SHISA9: variants seen among roughly 807,000 people sequenced by gnomAD.
SHISA9 encodes protein shisa-9.
In SHISA9, 13 loss-of-function variants were observed where a neutral mutation model predicts 38.0. That is an observed-to-expected ratio of 0.34 (90% CI 0.22 to 0.54). The LOEUF (loss-of-function observed/expected upper bound fraction) is 0.54. Among genes scored for constraint, SHISA9 ranks in the 20% least tolerant of loss-of-function variants. SHISA9 has a pLI of 0.91. For synonymous variants in SHISA9, 275 were observed against 242.0 expected (o/e 1.14, Z -1.27); for missense variants, 538 against 575.8 (o/e 0.93, Z 0.67).
At chr16:12,944,480 T>C (rs976544392) in intron 2 of SHISA9, among the ~76,000 whole-genome samples, 9 of 152,192 alleles carry the variant, frequency 5.9e-5, no homozygotes, top group African/African-American at 2.2e-4. Flanking sequence ...CCATGGATTA[T>C]TCTGCTTTTT....
At chr16:13,205,784 CAG>C (rs1422100119) in intron 3 of SHISA9, among the ~76,000 whole-genome samples, 1 of 152,030 alleles carries the variant, frequency 6.6e-6, no homozygotes, top group Non-Finnish European at 1.5e-5. Context: ...TTTTTTGAGA[CAG>C]AGTCTCACTG....
intron 2 of SHISA9, among the ~76,000 whole-genome samples, chr16:13,108,426 G>A (rs746553345): frequency 1.9e-4 from 29 of 152,028 alleles, no homozygotes; most frequent in Non-Finnish European, 2.4e-4. Flanking sequence ...CATCATGCCC[G>A]GCTAATTTTT....
chr16:12,908,921 G>C (rs187616923), intron 1 of SHISA9: 31 of 1,017,626 alleles, frequency 3.0e-5, no homozygotes, highest in East Asian at 9.5e-5. Context: ...GGCAGATAAG[G>C]GTCCTGTGTG....
intron 3 of SHISA9, among the ~76,000 whole-genome samples, chr16:13,210,450 A>T (rs1424233839): frequency 2.8e-5 from 4 of 143,796 alleles, no homozygotes; most frequent in East Asian, 2.1e-4. Context: ...TAATTTTATT[A>T]AAAAAAAATT....
At chr16:12,926,831 C>T (rs1220475071) in intron 2 of SHISA9, among the ~76,000 whole-genome samples, 1 of 152,136 alleles carries the variant, frequency 6.6e-6, no homozygotes, top group Non-Finnish European at 1.5e-5. Context: ...TGACTTTGCC[C>T]ACCGCTGACT....
chr16:13,321,726 G>A, the SHISA9 span, among the ~76,000 whole-genome samples: 1 of 152,178 alleles, frequency 6.6e-6, no homozygotes, highest in African/African-American at 2.4e-5. Context: ...GTATGGCTGT[G>A]TGTGCAATAT....
chr16:13,139,757 C>G (rs2050383196), intron 2 of SHISA9, among the ~76,000 whole-genome samples: 1 of 152,102 alleles, frequency 6.6e-6, no homozygotes, highest in South Asian at 2.1e-4. Context: ...ATTTAAGGTT[C>G]ATATGAGTAA....
chr16:13,414,646 C>CTTTTT, the SHISA9 span, among the ~76,000 whole-genome samples: 472 of 136,588 alleles, frequency 3.5e-3, 68 homozygotes, highest in East Asian at 0.01. Context: ...TTCTTTCTTT[C>CTTTTT]TTTCTTTTTT....
At chr16:13,005,784 G>T (rs1178743447) in intron 2 of SHISA9, among the ~76,000 whole-genome samples, 1 of 152,162 alleles carries the variant, frequency 6.6e-6, no homozygotes, top group African/African-American at 2.4e-5. Flanking sequence ...ACATGGGAGT[G>T]AATATTGGTG....
At chr16:13,074,334 C>T (rs1304504624) in intron 2 of SHISA9, among the ~76,000 whole-genome samples, 1 of 152,082 alleles carries the variant, frequency 6.6e-6, no homozygotes, top group African/African-American at 2.4e-5. Context: ...AAAACCAATA[C>T]AAAGCCCTCC....
intron 2 of SHISA9, among the ~76,000 whole-genome samples, chr16:13,158,147 T>C (rs2050563550): frequency 6.6e-6 from 1 of 152,164 alleles, no homozygotes; most frequent in South Asian, 2.1e-4. Context: ...ATCTGTAAAA[T>C]GGGGCGACAG....
intron 1 of SHISA9, among the ~76,000 whole-genome samples, chr16:12,912,343 C>T (rs898246537): frequency 6.6e-6 from 1 of 152,132 alleles, no homozygotes; most frequent in Admixed American, 6.5e-5. Flanking sequence ...AAGAGAAGCC[C>T]AGGGGATCTG....
At chr16:13,114,261 T>C (rs1725449552) in intron 2 of SHISA9, among the ~76,000 whole-genome samples, 1 of 151,688 alleles carries the variant, frequency 6.6e-6, no homozygotes, top group Admixed American at 6.6e-5. Context: ...GGTCAGGAGA[T>C]CGAGACCATC....
At chr16:12,964,955 C>T (rs1318678024) in intron 2 of SHISA9, among the ~76,000 whole-genome samples, 5 of 152,148 alleles carry the variant, frequency 3.3e-5, no homozygotes, top group Non-Finnish European at 1.5e-5. Flanking sequence ...ATGGTGATTT[C>T]TCCTAGTAGA....
chr16:13,120,247 T>TG (rs530942259), intron 2 of SHISA9, among the ~76,000 whole-genome samples: 157 of 152,266 alleles, frequency 1.0e-3, no homozygotes, highest in Non-Finnish European at 1.9e-3. Flanking sequence ...AGGAACCCCA[T>TG]GGGGCTGTTG....
intron 3 of SHISA9, among the ~76,000 whole-genome samples, chr16:13,209,564 G>A (rs531636800): frequency 7.2e-4 from 110 of 152,238 alleles, no homozygotes; most frequent in Non-Finnish European, 1.5e-3. Context: ...AATCCATCAG[G>A]GAACTATTCT....
intron 2 of SHISA9, among the ~76,000 whole-genome samples, chr16:13,187,610 C>T (rs1029427631): frequency 6.6e-5 from 10 of 152,066 alleles, no homozygotes; most frequent in South Asian, 2.1e-4. Flanking sequence ...GCTGGGATTA[C>T]GGGTGTGAGC....
chr16:13,157,265 C>A (rs2050555758), intron 2 of SHISA9, among the ~76,000 whole-genome samples: 1 of 152,158 alleles, frequency 6.6e-6, no homozygotes, highest in Non-Finnish European at 1.5e-5. Flanking sequence ...TCTCATCTAT[C>A]CTAGCATTAA....
chr16:13,225,041 G>A lies in SHISA9; in HGVS notation c.896-9989G>A, dbSNP rs184328380. On this transcript the variant is annotated intron_variant, in intron 4 of 4. Coordinates refer to ENST00000558583, the MANE Select transcript of SHISA9 (RefSeq NM_001145204.3). ...TTGAGGATATATTGAATTAATGTGG[G>A]CCCTAATCCTGTGGCTGATATCCTT... Among the ~76,000 whole-genome samples the A allele has an allele frequency of 3.5e-3, 539 of 152,228 alleles. 5 individuals are homozygous for A. The highest frequency in any genetic ancestry group is 0.012 in the African/African-American group (515 of 41,536).
Sources: allele counts gnomAD v4.1 joint callset (sites outside exome capture counted in the v4.1 genomes callset), GRCh38; gene constraint gnomAD v4.1.1; transcripts MANE v1.5; gene names NCBI Gene and HGNC (gene_info 2026-07-23, HGNC 2026-07-21).